EPHX2: variants seen among roughly 807,000 people sequenced by gnomAD.
EPHX2 encodes bifunctional epoxide hydrolase 2.
Under a neutral mutation model 78.7 loss-of-function variants are expected in EPHX2, and 74 were observed. That is an observed-to-expected ratio of 0.94 (90% CI 0.78 to 1.14). EPHX2 has a LOEUF of 1.14. Ranked by LOEUF, EPHX2 falls within the 50% of genes most tolerant of loss-of-function variation. EPHX2 has a pLI of 0.00. For synonymous variants in EPHX2, 251 were observed against 255.2 expected, an observed-to-expected ratio of 0.98 and a Z score of 0.16; for missense variants, 715 against 702.5, an observed-to-expected ratio of 1.02 and a Z score of -0.20.
chr8:27,509,658 C>T (rs1050304177), intron 5 of EPHX2, among the ~76,000 whole-genome samples: 8 of 152,056 alleles, frequency 5.3e-5, no homozygotes, highest in South Asian at 4.1e-4. Flanking sequence ...GGTTTACAGG[C>T]GTGAGCCACC....
chr8:27,544,907 T>G lies in EPHX2; in HGVS notation c.*385T>G. The G allele has an allele frequency of 4.5e-6, 1 of 222,756 alleles. No homozygotes were observed. The highest frequency in any genetic ancestry group is 8.9e-6 in the Non-Finnish European group (1 of 111,888). The allele number at this position is 222,756 out of a possible 1,614,324, so 13.8% of individuals were successfully genotyped here. ...ATTGGGATGCCTTACTCAATAAAGC[T>G]AAGATGACTATGCTGCTGGCTGTCT... On this transcript the variant is annotated 3_prime_UTR_variant, in exon 19 of 19. Transcript: ENST00000521400.
At chr8:27,500,685 G>C (rs993822107) in intron 1 of EPHX2, among the ~76,000 whole-genome samples, 11 of 152,200 alleles carry the variant, frequency 7.2e-5, no homozygotes, top group East Asian at 5.8e-4. Flanking sequence ...GCTGCTATTA[G>C]GTGGTTTCCC....
chr8:27,491,216 T>G lies in EPHX2; in HGVS notation c.8T>G (p.Leu3Arg), dbSNP rs1813361339. 1 of 1,581,976 alleles carries G rather than the reference T, an allele frequency of 6.3e-7. No homozygotes were observed. The highest frequency in any genetic ancestry group is 8.5e-7 in the Non-Finnish European group (1 of 1,172,798). The change falls in exon 1 of 19, where the codon CTG becomes CGG. Residue 3 changes from leucine (L) to arginine (R), a missense_variant. Transcript: ENST00000521400. MT[L>R]RAAVFDLDGV... ...GGCTGCAGACCCGCCGCCATGACGC[T>G]GCGCGCGGCCGTCTTCGACCTTGAC...
rs184097555 is a variant in EPHX2, at chr8:27,528,280, G to A, written c.1170+2807G>A. 1.1e-4 allele frequency among the ~76,000 whole-genome samples: 16 copies of A among 152,286 alleles called. No individual in the cohort carries two copies. The East Asian group carries it at 1.3e-3, about 13-fold the overall frequency. ...ACAGTTTTGTTCTTAAGAACAAAGCGCCTTGGCAGGGAAATGTTAGATATT... is the reference window on the plus strand; with the variant it reads ...ACAGTTTTGTTCTTAAGAACAAAGCACCTTGGCAGGGAAATGTTAGATATT... On this transcript the variant is annotated intron_variant, in intron 12 of 18. Coordinates refer to ENST00000521400, the MANE Select transcript of EPHX2 (RefSeq NM_001979.6).
At chr8:27,516,497 G>A in intron 8 of EPHX2, 99 bp downstream of exon 8, 1 of 1,129,656 alleles carries the variant, frequency 8.9e-7, no homozygotes, top group Non-Finnish European at 1.3e-6. Context: ...GATCAGAGTA[G>A]CCTTCCCCTT....
chr8:27,497,247 T>C (rs950183441), intron 1 of EPHX2, among the ~76,000 whole-genome samples: 11 of 152,220 alleles, frequency 7.2e-5, no homozygotes, highest in African/African-American at 2.2e-4. Flanking sequence ...GATCATCCGG[T>C]TGGGGGCTTC....
intron 8 of EPHX2, 42 bp from the exon 9 acceptor site, chr8:27,517,996 A>G: frequency 2.0e-6 from 3 of 1,495,102 alleles, no homozygotes; most frequent in Non-Finnish European, 2.8e-6. Context: ...ATATATTTTA[A>G]GTAACGTGAA....
chr8:27,536,913 G>T (rs1459528935), intron 13 of EPHX2, 58 bp downstream of exon 13: 4 of 1,583,452 alleles, frequency 2.5e-6, no homozygotes, highest in African/African-American at 1.3e-5. Context: ...AGGAAGTAGG[G>T]TACCTAGTGT....
intron 1 of EPHX2, among the ~76,000 whole-genome samples, chr8:27,496,863 A>G (rs1813592114): frequency 6.6e-6 from 1 of 152,170 alleles, no homozygotes; most frequent in African/African-American, 2.4e-5. Context: ...CTCCTCAAGT[A>G]GGGGACAACA....
At chr8:27,520,700 T>G (rs1235712549) in intron 9 of EPHX2, among the ~76,000 whole-genome samples, 183 bp from the exon 10 acceptor site, 1 of 152,188 alleles carries the variant, frequency 6.6e-6, no homozygotes, top group Non-Finnish European at 1.5e-5. Flanking sequence ...CTCACCCATA[T>G]GGCCTCATTT....
Position 27,536,858 on chromosome 8 carries a change from G to A in EPHX2, c.1242+3G>A. On this transcript the variant is annotated splice_donor_region_variant and intron_variant, in intron 13 of 18. Coordinates refer to ENST00000521400, the MANE Select transcript of EPHX2 (RefSeq NM_001979.6). ...GCCTCTTCAGAGCAAGCGATGAGGT[G>A]AGGGGTGGGGATGGGTGCAGAAGAA... The A allele has an allele frequency of 6.2e-7, 1 of 1,613,942 alleles. No homozygotes were observed. Among genetic ancestry groups the A allele is most frequent in the South Asian group, 1.1e-5 (1 of 91,054 alleles).
intron 5 of EPHX2, 106 bp downstream of exon 5, chr8:27,507,100 G>A (rs1376444584): frequency 9.0e-6 from 13 of 1,443,478 alleles, no homozygotes; most frequent in Non-Finnish European, 1.1e-5. Context: ...GTCCATGAAT[G>A]ACTCCTGGGC....
At chr8:27,494,908 G>A (rs1198716652) in intron 1 of EPHX2, among the ~76,000 whole-genome samples, 8 of 152,208 alleles carry the variant, frequency 5.3e-5, no homozygotes, top group African/African-American at 1.4e-4. Context: ...ATTCTGTTTC[G>A]GTTGGGGAAT....
chr8:27,523,565 G>A (rs762288794), intron 11 of EPHX2, among the ~76,000 whole-genome samples: 15 of 152,156 alleles, frequency 9.9e-5, no homozygotes, highest in Non-Finnish European at 1.5e-4. Flanking sequence ...AAGTTTATGA[G>A]ATTGGAACTA....
At chr8:27,493,702 T>C (rs931778608) in intron 1 of EPHX2, among the ~76,000 whole-genome samples, 2 of 151,932 alleles carry the variant, frequency 1.3e-5, no homozygotes, top group Non-Finnish European at 2.9e-5. Context: ...GTCCAGCTGG[T>C]GGGAGGCAGA....
At chr8:27,497,948 TCATTTACTTGACTAAGATAC>T (rs78976945) in intron 1 of EPHX2, among the ~76,000 whole-genome samples, 17,573 of 152,088 alleles carry the variant, frequency 0.12, 1,079 homozygotes, top group African/African-American at 0.17. Context: ...TGTCATTCTG[TCATTTACTTGACTAAGATAC>T]CATTTACTTG....
intron 14 of EPHX2, 26 bp downstream of exon 14, chr8:27,538,718 T>C: frequency 1.9e-6 from 3 of 1,611,224 alleles, no homozygotes; most frequent in African/African-American, 1.3e-5. Context: ...GGGAGAGCCA[T>C]ATCTGGAACC....
chr8:27,545,696 C>T (rs1241599304), downstream of EPHX2: 1 of 152,282 alleles, frequency 6.6e-6, no homozygotes, highest in East Asian at 1.9e-4. Flanking sequence ...TTCTGCCTGC[C>T]CCCCTTGCAT....
chr8:27,544,082 G>A (rs1815503087), intron 17 of EPHX2, 104 bp from the exon 18 acceptor site: 5 of 1,349,046 alleles, frequency 3.7e-6, no homozygotes, highest in Admixed American at 3.5e-5. Flanking sequence ...GGGCAGGGTG[G>A]CCTGCGGGGA....
Sources: gnomAD v4.1 joint callset for allele counts (sites outside exome capture counted in the v4.1 genomes callset) on GRCh38, gnomAD v4.1.1 for gene constraint, MANE v1.5 for transcripts, NCBI Gene and HGNC (gene_info 2026-07-23, HGNC 2026-07-21) for gene names.